The following TDRD12 variants were observed in gnomAD, a reference collection of about 807,000 sequenced individuals.
TDRD12 encodes the protein putative ATP-dependent RNA helicase TDRD12.
In TDRD12, 158 loss-of-function variants were observed where a neutral mutation model predicts 133.5. That is an observed-to-expected ratio of 1.18 (90% CI 1.04 to 1.35). TDRD12 has a LOEUF of 1.35. Ranked by LOEUF, TDRD12 falls within the 40% of genes most tolerant of loss-of-function variation. The pLI is 0.00. For synonymous variants in TDRD12, 460 were observed against 477.9 expected, an observed-to-expected ratio of 0.96 and a Z score of 0.49; for missense variants, 1,443 against 1,321.3, an observed-to-expected ratio of 1.09 and a Z score of -1.43.
exon 12 of TDRD12, chr19:32,790,570 C>G: frequency 6.4e-7 from 1 of 1,551,866 alleles, no homozygotes; most frequent in South Asian, 1.2e-5. Flanking sequence ...TGAGAGCTGA[C>G]GGAATCTCTG....
exon 9 of TDRD12, chr19:32,772,847 T>A (rs1468869057): frequency 7.0e-7 from 1 of 1,421,354 alleles, no homozygotes; most frequent in African/African-American, 1.5e-5. Context: ...AAGATACAAA[T>A]AAGGTTGTAT....
intron 8 of TDRD12, among the ~76,000 whole-genome samples, chr19:32,766,089 G>C (rs1285381524): frequency 6.6e-6 from 1 of 151,978 alleles, no homozygotes; most frequent in Non-Finnish European, 1.5e-5. Flanking sequence ...TGTCCTTTTA[G>C]TTTTAACCTA....
downstream of TDRD12, among the ~76,000 whole-genome samples, chr19:32,821,737 A>G (rs1251636413): frequency 6.6e-6 from 1 of 152,178 alleles, no homozygotes; most frequent in African/African-American, 2.4e-5. Flanking sequence ...ATTAATCTGT[A>G]TGATTGCAAG....
At chr19:32,753,519 T>C (rs907428281) in intron 6 of TDRD12, among the ~76,000 whole-genome samples, 1 of 151,986 alleles carries the variant, frequency 6.6e-6, no homozygotes, top group Non-Finnish European at 1.5e-5. Flanking sequence ...TCTTTTTTTT[T>C]TCCTGAAACG....
In TDRD12 at chr19:32,777,135, T is replaced by G. The variant is rs1254257189; in HGVS notation, c.1041-14T>G. Reference sequence around the variant, plus strand: ...GTTCACAAATTTTAATGAATTTTTTTTTTTCATTTCTAGTGCTTTAAGTCA... The same window carrying G: ...GTTCACAAATTTTAATGAATTTTTTGTTTTCATTTCTAGTGCTTTAAGTCA... On this transcript the variant is annotated splice_polypyrimidine_tract_variant and intron_variant, in intron 10 of 27. Coordinates refer to ENST00000444215, the Ensembl canonical transcript of TDRD12. 1 of 1,516,672 alleles carries G rather than the reference T, an allele frequency of 6.6e-7. No homozygotes were observed. Among genetic ancestry groups the G allele is most frequent in the Non-Finnish European group, 8.9e-7 (1 of 1,129,176 alleles). The allele number at this position is 1,516,672 out of a possible 1,614,324, so 94.0% of individuals were successfully genotyped here.
intron 21 of TDRD12, among the ~76,000 whole-genome samples, chr19:32,807,295 A>AAAAAAAAAAAAAT (rs1429523974): frequency 6.8e-6 from 1 of 147,746 alleles, no homozygotes; most frequent in East Asian, 2.0e-4. Flanking sequence ...AAAAAAAAAA[A>AAAAAAAAAAAAAT]AGAAAGTTTG....
chr19:32,806,754 T>G (rs1173254281), intron 21 of TDRD12, among the ~76,000 whole-genome samples: 3 of 151,980 alleles, frequency 2.0e-5, no homozygotes, highest in Non-Finnish European at 4.4e-5. Context: ...GCGTCCTGGG[T>G]TCAAGCGATT....
intron 4 of TDRD12, among the ~76,000 whole-genome samples, chr19:32,747,852 A>G (rs1274545542): frequency 1.3e-5 from 2 of 152,076 alleles, no homozygotes; most frequent in Non-Finnish European, 2.9e-5. Flanking sequence ...CTATTAAAAA[A>G]AAAATTTTTT....
At chr19:32,769,706 A>G (rs1970391977) in intron 8 of TDRD12, among the ~76,000 whole-genome samples, 2 of 151,686 alleles carry the variant, frequency 1.3e-5, no homozygotes, top group South Asian at 4.2e-4. Context: ...GCACGATCTC[A>G]GCTCACCACA....
intron 10 of TDRD12, among the ~76,000 whole-genome samples, chr19:32,773,982 G>C (rs1179119698): frequency 6.6e-6 from 1 of 152,246 alleles, no homozygotes; most frequent in East Asian, 1.9e-4. Flanking sequence ...GAGTGGTCCT[G>C]ATGAGAGGGA....
At chr19:32,802,150 CATATATAT>C (rs373893635) in intron 19 of TDRD12, among the ~76,000 whole-genome samples, 1 of 138,588 alleles carries the variant, frequency 7.2e-6, no homozygotes, top group Non-Finnish European at 1.5e-5. Flanking sequence ...TATATATTAT[CATATATAT>C]ATATGATAAT....
chr19:32,826,666 G>T lies in TDRD12; in HGVS notation c.1049+68G>T. Reference sequence around the variant, plus strand: ...TGTCATATTCACGCGCTCACTGTCAGCTGTTCTCTTGAACAGAACCCCAAC... The same window carrying T: ...TGTCATATTCACGCGCTCACTGTCATCTGTTCTCTTGAACAGAACCCCAAC... On this transcript the variant is annotated intron_variant, in intron 9 of 9. Coordinates refer to the TDRD12 transcript ENST00000637289. 1 of 1,222,898 alleles carries T rather than the reference G, an allele frequency of 8.2e-7. No individual in the cohort carries two copies. The allele number at this position is 1,222,898 out of a possible 1,614,324, so 75.8% of individuals were successfully genotyped here.
At position 32,811,198 on chromosome 19, in the gene TDRD12, A is replaced by G. The variant is rs1373709843; in HGVS notation, c.2838-12A>G. The G allele has an allele frequency of 3.3e-6, 5 of 1,532,440 alleles. No homozygotes were observed. The South Asian group carries it at 3.6e-5, about 11-fold the overall frequency. 94.9% of individuals were successfully genotyped at this position (1,532,440 alleles called of 1,614,324 possible). A position where few individuals can be genotyped will look rare whatever the true frequency, so the allele number is the denominator to read the frequency against. ...AATCTCTGCGTTGAACCGATGCCCC[A>G]TTGCTCTCCAGGGTTCAGGTGTTGG... On this transcript the variant is annotated splice_polypyrimidine_tract_variant and intron_variant, in intron 23 of 27. Coordinates refer to ENST00000444215, the Ensembl canonical transcript of TDRD12.
intron 8 of TDRD12, among the ~76,000 whole-genome samples, chr19:32,764,076 T>A (rs1413256082): frequency 6.6e-6 from 1 of 151,864 alleles, no homozygotes; most frequent in African/African-American, 2.4e-5. Flanking sequence ...TTCTAATTGC[T>A]TTTCTTTTTT....
At chr19:32,797,776 A>G (rs778063052) in exon 15 of TDRD12, 14 of 701,044 alleles carry the variant, frequency 2.0e-5, no homozygotes, top group Non-Finnish European at 2.6e-5. Flanking sequence ...AGAAGGCCCA[A>G]TTTATTTTTG....
exon 27 of TDRD12, chr19:32,818,153 C>G (rs1032142430): frequency 1.4e-6 from 1 of 701,498 alleles, no homozygotes; most frequent in Non-Finnish European, 2.6e-6. Context: ...GCAGGGGGGG[C>G]AGGGGTGAGT....
At chr19:32,811,067 G>A in intron 23 of TDRD12, 143 bp from the exon 24 acceptor site, 1 of 618,700 alleles carries the variant, frequency 1.6e-6, no homozygotes, top group Non-Finnish European at 2.8e-6. Context: ...AATTTTTGAA[G>A]GCCTTAGTTT....
chr19:32,798,384 C>A lies in TDRD12; in HGVS notation c.1707C>A (p.Cys569Ter), dbSNP rs1389832601. ...AGAGCCTGCTGTTCCTCAGGCTCTG[C>A]CACCTGATCCTGGATGAGGTAGAGG... Residue 569 changes from cysteine to a stop codon, truncating the protein, a stop_gained, in exon 16 of 28, where the codon TGC (cysteine) becomes TGA (stop). Transcript: ENST00000444215. LOFTEE classifies it high-confidence loss of function. 1 of 1,535,778 alleles carries A rather than the reference C, an allele frequency of 6.5e-7. No homozygotes were observed. The highest frequency in any genetic ancestry group is 1.2e-5 in the South Asian group (1 of 84,056).
chr19:32,720,127 A>C (rs1383823826), intron 1 of TDRD12, 31 bp downstream of exon 1: 1 of 1,542,602 alleles, frequency 6.5e-7, no homozygotes, highest in Non-Finnish European at 8.7e-7. Context: ...CCCACGCCAG[A>C]CCCACGCAGT....
Sources: gnomAD v4.1 joint callset for allele counts (sites outside exome capture counted in the v4.1 genomes callset) on GRCh38, gnomAD v4.1.1 for gene constraint, MANE v1.5 for transcripts, NCBI Gene and HGNC (gene_info 2026-07-23, HGNC 2026-07-21) for gene names.